The following SEM1 variants were observed in gnomAD, a reference collection of about 807,000 sequenced individuals.
SEM1 encodes 26S proteasome complex subunit SEM1.
SEM1 carries 3 observed loss-of-function variants against 12.7 expected under a neutral mutation model. That is an observed-to-expected ratio of 0.24 (90% CI 0.11 to 0.61). SEM1 has a LOEUF of 0.61. SEM1 is among the 20% of genes least tolerant of loss of function. SEM1 has a pLI of 0.88. For synonymous variants in SEM1, 30 were observed against 27.8 expected (o/e 1.08, Z -0.25); for missense variants, 59 against 81.3 (o/e 0.73, Z 1.06).
intron 2 of SEM1, among the ~76,000 whole-genome samples, chr7:96,485,152 G>T (rs1802701756): frequency 6.6e-6 from 1 of 152,158 alleles, no homozygotes; most frequent in Admixed American, 6.6e-5. Flanking sequence ...ACAAGACAAG[G>T]TCATTGCTTA....
At chr7:96,682,580 AC>A (rs1789646677) in intron 2 of SEM1, among the ~76,000 whole-genome samples, 1 of 151,810 alleles carries the variant, frequency 6.6e-6, no homozygotes, top group South Asian at 2.1e-4. Flanking sequence ...CTAAAAGAAA[AC>A]CTAGGCGATA....
At chr7:96,490,812 G>T (rs1802977010) in intron 1 of SEM1, among the ~76,000 whole-genome samples, 1 of 152,024 alleles carries the variant, frequency 6.6e-6, no homozygotes, top group African/African-American at 2.4e-5. Flanking sequence ...AATCAAAATT[G>T]TCCAGATGGC....
intron 1 of SEM1, among the ~76,000 whole-genome samples, chr7:96,705,981 T>A (rs893039729): frequency 7.9e-5 from 12 of 152,118 alleles, no homozygotes; most frequent in Non-Finnish European, 1.5e-4. Flanking sequence ...CAAAATCATA[T>A]CAAAATCAAT....
chr7:96,639,858 C>T (rs908997729), intron 2 of SEM1, among the ~76,000 whole-genome samples: 3 of 151,822 alleles, frequency 2.0e-5, no homozygotes, highest in African/African-American at 7.3e-5. Context: ...TACAAGGCAC[C>T]TATTCAACAA....
At chr7:96,556,202 T>C (rs1383071440) in intron 2 of SEM1, among the ~76,000 whole-genome samples, 2 of 151,918 alleles carry the variant, frequency 1.3e-5, no homozygotes, top group African/African-American at 4.8e-5. Flanking sequence ...TTAAAGTTAA[T>C]ATTGTTATGT....
intron 2 of SEM1, among the ~76,000 whole-genome samples, chr7:96,583,224 T>C (rs1483665922): frequency 2.0e-5 from 3 of 149,518 alleles, no homozygotes; most frequent in African/African-American, 7.4e-5. Context: ...TTCATTTCGT[T>C]ATGTATCCAG....
intron 2 of SEM1, among the ~76,000 whole-genome samples, chr7:96,608,295 T>G (rs1393219300): frequency 6.6e-6 from 1 of 152,196 alleles, no homozygotes; most frequent in South Asian, 2.1e-4. Flanking sequence ...GTTCCAACTC[T>G]GAATTTGAGT....
chr7:96,618,008 C>A (rs1584808800), downstream of SEM1, among the ~76,000 whole-genome samples: 1 of 152,180 alleles, frequency 6.6e-6, no homozygotes, highest in Admixed American at 6.5e-5. Context: ...GTATCTTTGT[C>A]TGGTTTTGGT....
intron 2 of SEM1, among the ~76,000 whole-genome samples, chr7:96,584,914 T>C (rs973686010): frequency 3.3e-5 from 5 of 151,404 alleles, no homozygotes; most frequent in African/African-American, 1.2e-4. Context: ...TTGGTTTGAA[T>C]GTCCTCCTGT....
At chr7:96,554,023 T>C (rs1264227090) in intron 2 of SEM1, among the ~76,000 whole-genome samples, 2 of 151,682 alleles carry the variant, frequency 1.3e-5, no homozygotes, top group Non-Finnish European at 2.9e-5. Context: ...TAAGAATGCT[T>C]GTGATTTTTG....
rs925294097 is a variant in SEM1 at position 96,520,854 on chromosome 7, G to A, written c.171-14156C>T. Among the ~76,000 whole-genome samples, 12 of 152,150 alleles carry A rather than the reference G, an allele frequency of 7.9e-5. No homozygotes were observed. The East Asian group carries it at 1.2e-3, about 15-fold the overall frequency. On this transcript the variant is annotated intron_variant and NMD_transcript_variant, in intron 2 of 3. Coordinates refer to the SEM1 transcript ENST00000466986. ...GGCTCTCCCCTTCTGGGTTCTTATC[G>A]GAGAGAGTCTGGCCCACTGATCCCA...
At chr7:96,519,940 C>T (rs1804218620) in intron 2 of SEM1, among the ~76,000 whole-genome samples, 1 of 152,058 alleles carries the variant, frequency 6.6e-6, no homozygotes. Flanking sequence ...GAAGGGGCCT[C>T]TTGATAGACT....
At chr7:96,651,569 TTTTG>T (rs1019298660) in intron 2 of SEM1, among the ~76,000 whole-genome samples, 19 of 151,828 alleles carry the variant, frequency 1.3e-4, no homozygotes, top group Non-Finnish European at 2.1e-4. Context: ...GGCAAAAGGA[TTTTG>T]TTTGTTTGTT....
chr7:96,669,270 T>C (rs1789248376), downstream of SEM1, among the ~76,000 whole-genome samples: 1 of 152,180 alleles, frequency 6.6e-6, no homozygotes, highest in African/African-American at 2.4e-5. Flanking sequence ...AATTTTTCTG[T>C]AAGCTTTTCC....
chr7:96,489,315 G>A (rs570920366), intron 1 of SEM1, among the ~76,000 whole-genome samples: 4 of 152,132 alleles, frequency 2.6e-5, no homozygotes, highest in Non-Finnish European at 5.9e-5. Flanking sequence ...GCATCAGAAT[G>A]ACCTGGAGTG....
chr7:96,633,135 C>T (rs778645414), intron 2 of SEM1, among the ~76,000 whole-genome samples: 1 of 152,032 alleles, frequency 6.6e-6, no homozygotes, highest in Non-Finnish European at 1.5e-5. Context: ...AGGGCCCAAA[C>T]ATCAGAATAT....
chr7:96,544,892 G>A (rs1347462353), intron 2 of SEM1, among the ~76,000 whole-genome samples: 1 of 151,944 alleles, frequency 6.6e-6, no homozygotes, highest in Non-Finnish European at 1.5e-5. Context: ...TGAAGAGGAA[G>A]AGGAGACCTT....
rs149767459 is a variant in SEM1, at chr7:96,509,079, C to T, written c.171-2381G>A. ...TCAGCTCACTGCAACTTCCATCTCC[C>T]AGGTTCAAGTGATTCTCGTGCCTCA... is the stretch of plus-strand genomic sequence containing the variant. On this transcript the variant is annotated intron_variant and NMD_transcript_variant, in intron 2 of 3. Transcript: ENST00000466986. Among the ~76,000 whole-genome samples the T allele has an allele frequency of 2.5e-3, 373 of 151,752 alleles. 7 individuals carry two copies. The East Asian group carries it at 0.066, about 27-fold the overall frequency.
intron 2 of SEM1, among the ~76,000 whole-genome samples, chr7:96,632,407 C>A (rs1808290482): frequency 6.6e-6 from 1 of 152,122 alleles, no homozygotes; most frequent in African/African-American, 2.4e-5. Flanking sequence ...TTTGCAGGGA[C>A]ATGGATGAAG....
Sources: gnomAD v4.1 joint callset for allele counts (sites outside exome capture counted in the v4.1 genomes callset) on GRCh38, gnomAD v4.1.1 for gene constraint, MANE v1.5 for transcripts, NCBI Gene and HGNC (gene_info 2026-07-23, HGNC 2026-07-21) for gene names.